The following NCAPD3 variants were observed in gnomAD, a reference collection of about 807,000 sequenced individuals.
NCAPD3 encodes the protein condensin-2 complex subunit D3.
A neutral mutation model predicts 182.9 loss-of-function variants in NCAPD3; 105 were observed. The observed-to-expected ratio is 0.57, with a 90% CI of 0.49 to 0.68. NCAPD3 has a LOEUF of 0.68. Among genes scored for constraint, NCAPD3 ranks in the 30% least tolerant of loss-of-function variants. The pLI is 0.00. For synonymous variants in NCAPD3, 815 were observed against 679.9 expected (o/e 1.20, Z -3.09); for missense variants, 1,944 against 1,837.0 (o/e 1.06, Z -1.07).
chr11:134,166,974 T>C (rs1234015130), intron 27 of NCAPD3, among the ~76,000 whole-genome samples: 5 of 93,266 alleles, frequency 5.4e-5, no homozygotes, highest in Admixed American at 5.0e-4. Context: ...TTAGGGGAGC[T>C]GCACACTCAC....
intron 2 of NCAPD3, 57 bp from the exon 3 acceptor site, chr11:134,217,155 T>C: frequency 1.4e-6 from 2 of 1,434,628 alleles, no homozygotes; most frequent in Non-Finnish European, 1.8e-6. Context: ...AAACATTTCC[T>C]ATTATTTGAT....
chr11:134,152,400 A>C lies in NCAPD3; in HGVS notation c.*544T>G, dbSNP rs2120447622. On this transcript the variant is annotated 3_prime_UTR_variant, in exon 35 of 35. Transcript: ENST00000534548. Reference sequence around the variant, plus strand: ...TAAAATTAAAATGATTACCAATAAGAGCTCTGTTCTAAAAACAGAAAAATC... The same window carrying C: ...TAAAATTAAAATGATTACCAATAAGCGCTCTGTTCTAAAAACAGAAAAATC... The C allele has an allele frequency of 6.6e-6, 1 of 152,360 alleles. No homozygotes were observed. Among genetic ancestry groups the C allele is most frequent in the South Asian group, 2.1e-4 (1 of 4,824 alleles). 9.4% of individuals were successfully genotyped at this position (152,360 alleles called of 1,614,324 possible).
chr11:134,158,624 A>C, intron 29 of NCAPD3, 129 bp from the exon 30 acceptor site: 1 of 988,742 alleles, frequency 1.0e-6, no homozygotes, highest in Non-Finnish European at 1.5e-6. Flanking sequence ...TAATGATCAA[A>C]TCAGGGTAAT....
At chr11:134,206,464 A>G in intron 8 of NCAPD3, 135 bp downstream of exon 8, 1 of 1,124,120 alleles carries the variant, frequency 8.9e-7, no homozygotes, top group South Asian at 1.4e-5. Flanking sequence ...ATTAGCTACG[A>G]AGTGCTTGGT....
chr11:134,203,561 A>G (rs762443494), intron 11 of NCAPD3, 93 bp downstream of exon 11: 1 of 1,487,266 alleles, frequency 6.7e-7, no homozygotes, highest in Non-Finnish European at 9.1e-7. Context: ...TGCCATACCT[A>G]TTACTTTTGC....
chr11:134,209,754 G>T, intron 4 of NCAPD3: 1 of 353,306 alleles, frequency 2.8e-6, no homozygotes, highest in Non-Finnish European at 5.1e-6. Context: ...TCATTCTACC[G>T]TGTCACATAA....
At chr11:134,225,259 T>C (rs1410702526), upstream of NCAPD3, 1 of 1,613,998 alleles carries the variant, frequency 6.2e-7, no homozygotes, top group Non-Finnish European at 8.5e-7. Flanking sequence ...GGGGAGACGG[T>C]CTCCGGGAAG....
At chr11:134,203,942 A>G in intron 10 of NCAPD3, 36 bp from the exon 11 acceptor site, 1 of 1,608,224 alleles carries the variant, frequency 6.2e-7, no homozygotes, top group African/African-American at 1.3e-5. Flanking sequence ...GCCATCAGAT[A>G]GGAGTAAGAA....
At chr11:134,224,249 G>A, upstream of NCAPD3, 1 of 479,668 alleles carries the variant, frequency 2.1e-6, no homozygotes, top group East Asian at 4.0e-5. Flanking sequence ...AAATCTAAAG[G>A]GTATCTGAGA....
chr11:134,169,023 G>C lies in NCAPD3; in HGVS notation c.3133C>G (p.Leu1045Val). Residue 1045 changes from leucine to valine, a missense_variant, in exon 25 of 35, where the codon CTG becomes GTG. Around this residue, in one of 3 missense-constraint regions of NCAPD3, gnomAD observed 1,803 missense variants for 1,674.6 expected, o/e 1.08. Transcript: ENST00000534548. ...FGEFCLAHLL[L>V]KRNPVMFFQH... Reference sequence around the variant, plus strand: ...AAGAACATGACAGGGTTCCTCTTCAGTAACAGGTGAGCCAGGCAAAACTCC... The same window carrying C: ...AAGAACATGACAGGGTTCCTCTTCACTAACAGGTGAGCCAGGCAAAACTCC... The C allele has an allele frequency of 2.5e-6, 4 of 1,614,010 alleles. No individual in the cohort carries two copies. Among genetic ancestry groups the C allele is most frequent in the Non-Finnish European group, 3.4e-6 (4 of 1,179,960 alleles).
chr11:134,225,117 G>T (rs746158981), upstream of NCAPD3: 9 of 1,597,332 alleles, frequency 5.6e-6, no homozygotes, highest in South Asian at 7.8e-5. Flanking sequence ...CCGGCCCGGC[G>T]GTGCGATGAG....
At position 134,203,190 on chromosome 11, in the gene NCAPD3, A is replaced by G; in HGVS notation, c.1477T>C (p.Phe493Leu). Residue 493 changes from phenylalanine to leucine, a missense_variant, in exon 12 of 35, where the codon TTT becomes CTT. By Grantham distance (22) the Phe-to-Leu change is conservative. Coordinates refer to ENST00000534548, the MANE Select transcript of NCAPD3 (RefSeq NM_015261.3). Reference protein sequence around the residue: ...ILELLINSPTFSVIESHPGTL... With the variant: ...ILELLINSPTLSVIESHPGTL... The stretch of plus-strand genomic sequence containing the variant: ...CCAGGGTGACTCTCTATTACAGAAA[A>G]CGTAGGACCTAAAAACAAGAAGAAA... 1 of 1,596,776 alleles carries G rather than the reference A, an allele frequency of 6.3e-7. No homozygotes were observed. Among genetic ancestry groups the G allele is most frequent in the East Asian group, 2.2e-5 (1 of 44,768 alleles).
At chr11:134,164,420 G>A (rs1430572210) in intron 27 of NCAPD3, among the ~76,000 whole-genome samples, 4 of 152,262 alleles carry the variant, frequency 2.6e-5, no homozygotes, top group Non-Finnish European at 5.9e-5. Flanking sequence ...TGGGAAACAG[G>A]TTTGAGAATT....
At chr11:134,200,221 A>G (rs1282662461) in intron 13 of NCAPD3, among the ~76,000 whole-genome samples, 1 of 152,222 alleles carries the variant, frequency 6.6e-6, no homozygotes, top group African/African-American at 2.4e-5. Flanking sequence ...TACCAAAAGC[A>G]TGAGTAAAAA....
chr11:134,207,643 C>T (rs1339298665), intron 7 of NCAPD3, among the ~76,000 whole-genome samples: 2 of 147,838 alleles, frequency 1.4e-5, no homozygotes, highest in Non-Finnish European at 3.0e-5. Flanking sequence ...CTAGGGGGTG[C>T]TGAGGCAGGA....
Position 134,168,913 on chromosome 11 carries a change from T to C in NCAPD3, c.3239+4A>G, listed in dbSNP as rs535806850. 5.6e-6 allele frequency: 9 copies of C among 1,612,184 alleles called. No homozygotes were observed. The South Asian group carries it at 9.9e-5, about 18-fold the overall frequency. Reference sequence around the variant, plus strand: ...AGGAGACCAGACTTAGCTGCTTCACTGACCTCTCTGACTGGGGGAACTTGT... The same window carrying C: ...AGGAGACCAGACTTAGCTGCTTCACCGACCTCTCTGACTGGGGGAACTTGT... On this transcript the variant is annotated splice_donor_region_variant and intron_variant, in intron 25 of 34. Coordinates refer to ENST00000534548, the MANE Select transcript of NCAPD3 (RefSeq NM_015261.3).
At chr11:134,155,999 C>A (rs1468851399) in intron 32 of NCAPD3, among the ~76,000 whole-genome samples, 1 of 152,226 alleles carries the variant, frequency 6.6e-6, no homozygotes, top group African/African-American at 2.4e-5. Flanking sequence ...AGGTGCTCCA[C>A]ACACATGAGC....
chr11:134,202,315 TA>T (rs1944766697), intron 13 of NCAPD3, among the ~76,000 whole-genome samples: 1 of 152,176 alleles, frequency 6.6e-6, no homozygotes, highest in African/African-American at 2.4e-5. Flanking sequence ...AAACGACAGG[TA>T]TACCCCTAGA....
intron 28 of NCAPD3, among the ~76,000 whole-genome samples, chr11:134,160,723 G>A (rs1342195663): frequency 6.6e-6 from 1 of 152,084 alleles, no homozygotes; most frequent in African/African-American, 2.4e-5. Flanking sequence ...GGGAGAAAAA[G>A]ACACTGCAGT....
Sources: allele counts gnomAD v4.1 joint callset (sites outside exome capture counted in the v4.1 genomes callset), GRCh38; gene constraint gnomAD v4.1.1; regional missense constraint gnomAD v4.1.1; transcripts MANE v1.5; gene names NCBI Gene and HGNC (gene_info 2026-07-23, HGNC 2026-07-21).